Variants in APOBEC3D observed in about 807,000 individuals in gnomAD.
APOBEC3D encodes the protein DNA dC->dU-editing enzyme APOBEC-3D.
APOBEC3D carries 37 observed loss-of-function variants against 45.6 expected under a neutral mutation model. The observed-to-expected ratio is 0.81, with a 90% CI of 0.62 to 1.07. The LOEUF is 1.07. APOBEC3D is among the 50% of genes least tolerant of loss of function. The pLI is 0.00. For synonymous variants in APOBEC3D, 175 were observed against 180.7 expected (o/e 0.97, Z 0.25); for missense variants, 496 against 495.3 (o/e 1.00, Z -0.01).
In APOBEC3D at chr22:39,025,651, C is replaced by T. The variant is rs760027760; in HGVS notation, c.585C>T (p.Arg195=). ...ATGACAATTATGCATCCCTGCACCG[C>T]ACGCTAAAGGAGATTCTCAGGTGAG... ...KFDDNYASLH[R]TLKEILRNPM... is the part of the protein sequence containing the mutation. The change falls in exon 4 of 7, where the codon CGC becomes CGT. Residue 195 remains arginine (R), a synonymous_variant. Transcript: ENST00000216099. 5 of 1,614,016 alleles carry T rather than the reference C, an allele frequency of 3.1e-6. No homozygotes were observed. Among genetic ancestry groups the T allele is most frequent in the Admixed American group, 1.7e-5 (1 of 59,996 alleles).
rs1272798799 is a variant in APOBEC3D, at chr22:39,031,316, C to G, written c.763-378C>G. Among the ~76,000 whole-genome samples, 3 of 152,052 alleles carry G rather than the reference C, an allele frequency of 2.0e-5. No individual in the cohort carries two copies. In the East Asian group the frequency reaches 5.8e-4, roughly 29 times the overall value. On this transcript the variant is annotated intron_variant, in intron 5 of 6. Transcript: ENST00000216099. ...GTGCATGTGGTTTATGCTCATAGTC[C>G]TAGAAATTTGGTAGGCTGAGGCAGG...
At chr22:39,032,001 G>A (rs771582968) in intron 6 of APOBEC3D, 28 bp downstream of exon 6, 1 of 1,612,508 alleles carries the variant, frequency 6.2e-7, no homozygotes, top group Non-Finnish European at 8.5e-7. Flanking sequence ...GAGGAGAGTG[G>A]GTGCGGGAGG....
intron 2 of APOBEC3D, 57 bp downstream of exon 2, chr22:39,023,071 A>T: frequency 7.4e-7 from 1 of 1,359,890 alleles, no homozygotes. Flanking sequence ...GCGGGCTCTC[A>T]ACTGTGTATT....
At chr22:39,028,286 G>A (rs1295963770) in intron 4 of APOBEC3D, among the ~76,000 whole-genome samples, 6 of 152,352 alleles carry the variant, frequency 3.9e-5, no homozygotes, top group Non-Finnish European at 7.3e-5. Context: ...TTAGTAAGAA[G>A]ACAGCGTGGT....
intron 2 of APOBEC3D, 123 bp downstream of exon 2, chr22:39,023,137 A>G: frequency 5.6e-6 from 5 of 898,346 alleles, no homozygotes; most frequent in Non-Finnish European, 5.8e-6. Flanking sequence ...TTATTTTGAG[A>G]CAGAGTCTCC....
Position 39,025,205 on chromosome 22 carries a change from G to T in APOBEC3D, c.346G>T (p.Val116Leu). 1 of 1,613,770 alleles carries T rather than the reference G, an allele frequency of 6.2e-7. No homozygotes were observed. The highest frequency in any genetic ancestry group is 1.3e-5 in the African/African-American group (1 of 74,944). ...WNPCLPCVVK[V>L]TKFLAEHPNV... ...CCCCTGCCTGCCCTGTGTGGTGAAG[G>T]TGACCAAATTCTTGGCTGAGCACCC... Residue 116 changes from valine (V) to leucine (L), a missense_variant, in exon 3 of 7, where the codon GTG becomes TTG. Physicochemically the swap from Val to Leu is conservative, Grantham distance 32. Coordinates refer to ENST00000216099, the MANE Select transcript of APOBEC3D (RefSeq NM_152426.4).
chr22:39,030,938 C>G (rs951998012), intron 5 of APOBEC3D, among the ~76,000 whole-genome samples: 1 of 152,138 alleles, frequency 6.6e-6, no homozygotes, highest in African/African-American at 2.4e-5. Context: ...GAGGCCTAGG[C>G]GGGCGGATCA....
chr22:39,028,507 A>G (rs1925900312), intron 4 of APOBEC3D, among the ~76,000 whole-genome samples: 1 of 152,210 alleles, frequency 6.6e-6, no homozygotes, highest in Non-Finnish European at 1.5e-5. Context: ...AGCACTTAGG[A>G]GAGTAGCCTG....
chr22:39,032,051 C>G lies in APOBEC3D; in HGVS notation c.1042+78C>G, dbSNP rs535279798. Reference sequence around the variant, plus strand: ...CAGGTGGGTCTGCAATGCCGTGGGGCGGGGCAGTGTCCCCGGGAAGCCTGC... The same window carrying G: ...CAGGTGGGTCTGCAATGCCGTGGGGGGGGGCAGTGTCCCCGGGAAGCCTGC... On this transcript the variant is annotated intron_variant, in intron 6 of 6. Transcript: ENST00000216099. 58 of 1,595,428 alleles carry G rather than the reference C, an allele frequency of 3.6e-5. 1 individual carries two copies. The highest frequency in any genetic ancestry group is 4.0e-5 in the African/African-American group (3 of 74,538).
In APOBEC3D at chr22:39,032,300, G is replaced by A. The variant is rs149444818; in HGVS notation, c.1145G>A (p.Arg382Gln). 3.6e-4 allele frequency: 583 copies of A among 1,614,112 alleles called. No individual in the cohort carries two copies. Among genetic ancestry groups the A allele is most frequent in the Admixed American group, 5.8e-4 (35 of 60,012 alleles). The part of the protein sequence containing the change: ...TNFRLLKRRL[R>Q]EILQ ...TTTCGACTTCTGAAAAGAAGGCTAC[G>A]GGAGATTCTCCAGTGAGGGGTCTCC... Residue 382 changes from arginine to glutamine, a missense_variant, in exon 7 of 7, where the codon CGG becomes CAG. Coordinates refer to ENST00000216099, the MANE Select transcript of APOBEC3D (RefSeq NM_152426.4).
Position 39,025,663 on chromosome 22 carries a change from G to GATT in APOBEC3D, c.598_600dup (p.Ile200dup), listed in dbSNP as rs760685405. On this transcript the variant is annotated inframe_insertion, in exon 4 of 7. Transcript: ENST00000216099. ...CATCCCTGCACCGCACGCTAAAGGA[G>GATT]ATTCTCAGGTGAGGGTCTCCCTCTG... 1 of 1,614,100 alleles carries GATT rather than the reference G, an allele frequency of 6.2e-7. No homozygotes were observed. Among genetic ancestry groups the GATT allele is most frequent in the Admixed American group, 1.7e-5 (1 of 60,016 alleles).
At chr22:39,023,045 A>C in intron 2 of APOBEC3D, 31 bp downstream of exon 2, 1 of 1,504,134 alleles carries the variant, frequency 6.6e-7, no homozygotes, top group Non-Finnish European at 8.9e-7. Flanking sequence ...AAAACACATA[A>C]GTAAAATGTC....
At chr22:39,029,632 C>T (rs1470504975) in intron 5 of APOBEC3D, 113 bp downstream of exon 5, 5 of 1,170,354 alleles carry the variant, frequency 4.3e-6, no homozygotes, top group African/African-American at 1.8e-5. Context: ...TTTCCTCTTA[C>T]ATTTCTTTCT....
chr22:39,025,060 C>A lies in APOBEC3D; in HGVS notation c.211-10C>A. ...TCCCAGAGCTTCCCCTGCCCCTGCT[C>A]CTCTCCCAGGTGTATTTCCGGTTTG... On this transcript the variant is annotated splice_polypyrimidine_tract_variant and intron_variant, in intron 2 of 6. Transcript: ENST00000216099. 1 of 1,531,632 alleles carries A rather than the reference C, an allele frequency of 6.5e-7. No individual in the cohort carries two copies. The highest frequency in any genetic ancestry group is 1.2e-5 in the South Asian group (1 of 81,494). The allele number at this position is 1,531,632 out of a possible 1,614,324, so 94.9% of individuals were successfully genotyped here. A position where few individuals can be genotyped will look rare whatever the true frequency, so the allele number is the denominator to read the frequency against.
At chr22:39,026,639 C>A (rs1256100694) in intron 4 of APOBEC3D, among the ~76,000 whole-genome samples, 1 of 152,248 alleles carries the variant, frequency 6.6e-6, no homozygotes, top group Non-Finnish European at 1.5e-5. Context: ...CTAACAGCAC[C>A]TAGCTGGGCC....
chr22:39,029,186 G>T (rs1243188993), intron 4 of APOBEC3D, among the ~76,000 whole-genome samples, 177 bp from the exon 5 acceptor site: 1 of 152,148 alleles, frequency 6.6e-6, no homozygotes, highest in African/African-American at 2.4e-5. Context: ...TGCTGCCCCT[G>T]CCAGTACCCC....
rs1329008218 is a variant in APOBEC3D, at chr22:39,031,731, T to G, written c.800T>G (p.Phe267Cys). 2.5e-6 allele frequency: 4 copies of G among 1,613,160 alleles called. No individual in the cohort carries two copies. Among genetic ancestry groups the G allele is most frequent in the Non-Finnish European group, 3.4e-6 (4 of 1,179,188 alleles). The change falls in exon 6 of 7, where the codon TTC becomes TGC. Residue 267 changes from phenylalanine to cysteine, a missense_variant. Physicochemically the swap from Phe to Cys is radical, Grantham distance 205. Coordinates refer to ENST00000216099, the MANE Select transcript of APOBEC3D (RefSeq NM_152426.4). ...PETHCHAERC[F>C]LSWFCDDILS... is the part of the protein sequence containing the mutation. ...ACCCATTGTCATGCAGAAAGGTGCT[T>G]CCTCTCTTGGTTCTGTGACGACATA...
Position 39,021,281 on chromosome 22 carries a change from T to A in APOBEC3D, c.-239T>A, listed in dbSNP as rs1424967474. On this transcript the variant is annotated 5_prime_UTR_variant, in exon 1 of 7. Transcript: ENST00000216099. ...CGTCACCACACCTGGCTAATTTTTG[T>A]ATTTTTAGTAGAGACGGGGTTTCTC... 1 of 469,850 alleles carries A rather than the reference T, an allele frequency of 2.1e-6. No individual in the cohort carries two copies. Among genetic ancestry groups the A allele is most frequent in the African/African-American group, 2.0e-5 (1 of 50,074 alleles). The allele number at this position is 469,850 out of a possible 1,614,324, so 29.1% of individuals were successfully genotyped here. A position where few individuals can be genotyped will look rare whatever the true frequency, so the allele number is the denominator to read the frequency against.
Position 39,021,504 on chromosome 22 carries a change from A to T in APOBEC3D, c.-16A>T, listed in dbSNP as rs1479345418. On this transcript the variant is annotated 5_prime_UTR_variant, in exon 1 of 7. Transcript: ENST00000216099. Reference sequence around the variant, plus strand: ...AAAAGAGGGAGACTGGGACAAGCGTATCTAAGAGGCTGAACATGAATCCAC... The same window carrying T: ...AAAAGAGGGAGACTGGGACAAGCGTTTCTAAGAGGCTGAACATGAATCCAC... The T allele has an allele frequency of 6.2e-7, 1 of 1,614,174 alleles. No homozygotes were observed. The highest frequency in any genetic ancestry group is 2.2e-5 in the East Asian group (1 of 44,884).
Sources: allele counts gnomAD v4.1 joint callset (sites outside exome capture counted in the v4.1 genomes callset), GRCh38; gene constraint gnomAD v4.1.1; transcripts MANE v1.5; gene names NCBI Gene and HGNC (gene_info 2026-07-23, HGNC 2026-07-21).